AVEN: variants seen among roughly 807,000 people sequenced by gnomAD.
The protein encoded by AVEN is apoptosis and caspase activation inhibitor.
In AVEN, 41 loss-of-function variants were observed where a neutral mutation model predicts 38.1. The ratio of observed to expected loss-of-function variants is 1.08; its 90% CI spans 0.84 to 1.40. The LOEUF (loss-of-function observed/expected upper bound fraction) is 1.40. Ranked by LOEUF, AVEN falls within the 40% of genes most tolerant of loss-of-function variation. The pLI is 0.00. For synonymous variants in AVEN, 206 were observed against 171.8 expected (o/e 1.20, Z -1.56); for missense variants, 605 against 438.8 (o/e 1.38, Z -3.38).
At chr15:33,939,099 C>A (rs1164244092) in intron 2 of AVEN, among the ~76,000 whole-genome samples, 6 of 152,210 alleles carry the variant, frequency 3.9e-5, no homozygotes. Flanking sequence ...CTTCAGCCTC[C>A]CAAAGTGCTG....
At chr15:33,854,486 C>A (rs1171917607), downstream of AVEN, 4 of 1,503,684 alleles carry the variant, frequency 2.7e-6, no homozygotes, top group Non-Finnish European at 3.6e-6. Context: ...ATTCTATACC[C>A]CAGTTCAGGG....
chr15:33,947,419 T>C (rs377187115), intron 2 of AVEN, among the ~76,000 whole-genome samples: 58 of 152,272 alleles, frequency 3.8e-4, no homozygotes, highest in Admixed American at 1.8e-3. Context: ...AAGAAAAAGA[T>C]AAGCAAAATA....
chr15:33,860,329 C>G (rs1193309411), intron 11 of AVEN, among the ~76,000 whole-genome samples: 3 of 151,960 alleles, frequency 2.0e-5, no homozygotes, highest in Non-Finnish European at 4.4e-5. Flanking sequence ...AAATAGGAGA[C>G]CAACCAGGGA....
At chr15:33,940,566 G>C (rs1894277581) in intron 2 of AVEN, among the ~76,000 whole-genome samples, 1 of 151,676 alleles carries the variant, frequency 6.6e-6, no homozygotes, top group Admixed American at 6.6e-5. Context: ...TTTTGAGACA[G>C]AGTCTCGCTC....
rs145778584 is a variant in AVEN, at chr15:33,954,789, A to T, written c.445+48243T>A. On this transcript the variant is annotated intron_variant, in intron 2 of 5. Coordinates refer to ENST00000306730, the MANE Select transcript of AVEN (RefSeq NM_020371.3). The stretch of plus-strand genomic sequence containing the variant: ...GTACGTTGTGCACATGTACCCTAGA[A>T]CTTAAAGTATAATAAAGACTTTTCA... Among the ~76,000 whole-genome samples the T allele has an allele frequency of 5.1e-3, 781 of 152,296 alleles. 2 individuals carry two copies. The highest frequency in any genetic ancestry group is 0.02 in the Middle Eastern group (6 of 294).
intron 1 of AVEN, among the ~76,000 whole-genome samples, chr15:34,014,948 G>A (rs1457162855): frequency 2.6e-5 from 4 of 152,116 alleles, no homozygotes; most frequent in Non-Finnish European, 4.4e-5. Flanking sequence ...AGATACAGGG[G>A]GTGAGGGGTG....
intron 2 of AVEN, among the ~76,000 whole-genome samples, chr15:33,882,991 T>C (rs1891554037): frequency 6.6e-6 from 1 of 152,224 alleles, no homozygotes; most frequent in African/African-American, 2.4e-5. Flanking sequence ...TTTCAAGCAG[T>C]ATACAATGCT....
chr15:33,855,065 T>C (rs530364995), downstream of AVEN: 6 of 703,176 alleles, frequency 8.5e-6, no homozygotes, highest in South Asian at 2.6e-4. Flanking sequence ...GTGATTGTTT[T>C]TGCAAAATTG....
intron 2 of AVEN, among the ~76,000 whole-genome samples, chr15:33,966,219 T>C (rs561685607): frequency 1.5e-4 from 23 of 152,254 alleles, no homozygotes; most frequent in African/African-American, 4.3e-4. Context: ...TATGTTGACA[T>C]TGTATTATAA....
At chr15:33,852,878 G>T in the AVEN span, 1 of 627,406 alleles carries the variant, frequency 1.6e-6, no homozygotes, top group Non-Finnish European at 2.9e-6. Flanking sequence ...ACATGACTCA[G>T]TAGAGCCTGT....
chr15:33,878,691 G>A (rs1373437275), intron 2 of AVEN, among the ~76,000 whole-genome samples: 1 of 152,044 alleles, frequency 6.6e-6, no homozygotes, highest in Non-Finnish European at 1.5e-5. Context: ...CATATTATTG[G>A]CAAAGAATAC....
intron 2 of AVEN, among the ~76,000 whole-genome samples, chr15:33,939,437 C>T (rs1000666495): frequency 7.2e-5 from 11 of 152,092 alleles, no homozygotes; most frequent in Admixed American, 6.6e-4. Flanking sequence ...GGCAAAATCC[C>T]CTACAGAGGT....
rs1434986083 is a variant in AVEN, at chr15:34,063,935, C to T, written n.1127-503G>A. The T allele has an allele frequency of 1.9e-6, 3 of 1,614,180 alleles. No homozygotes were observed. Among genetic ancestry groups the T allele is most frequent in the South Asian group, 2.2e-5 (2 of 91,080 alleles). ...ACAAGGTGAAAATCATGCCCTGCCC[C>T]TTCCCAGTGGCCAAGGAACCTTCAA... On this transcript the variant is annotated intron_variant and non_coding_transcript_variant, in intron 4 of 11. Transcript: ENST00000675287. The surrounding 1 kb of genome is among the most constrained non-coding windows in gnomAD (Gnocchi z 4.1).
At chr15:33,885,171 G>A (rs1891653442) in intron 2 of AVEN, among the ~76,000 whole-genome samples, 1 of 152,164 alleles carries the variant, frequency 6.6e-6, no homozygotes, top group African/African-American at 2.4e-5. Context: ...AGGCTGAGAA[G>A]ACCCCAATCT....
intron 11 of AVEN, chr15:33,860,582 TTTAA>T: frequency 6.4e-7 from 1 of 1,557,602 alleles, no homozygotes; most frequent in Non-Finnish European, 8.7e-7. Context: ...TGTCTTTGTA[TTTAA>T]CATTCCAGGT....
Position 33,930,683 on chromosome 15 carries a change from C to T in AVEN, c.446-54688G>A, listed in dbSNP as rs143728570. Among the ~76,000 whole-genome samples the T allele has an allele frequency of 3.6e-3, 555 of 152,232 alleles. 3 individuals are homozygous for T. Among genetic ancestry groups the T allele is most frequent in the African/African-American group, 0.013 (538 of 41,522 alleles). On this transcript the variant is annotated intron_variant, in intron 2 of 5. Coordinates refer to ENST00000306730, the MANE Select transcript of AVEN (RefSeq NM_020371.3). ...TTACAACTTAAGAACTGGCCGGGCG[C>T]GGTGGCTCACGCCTGTAATCCCAGC...
chr15:33,970,130 C>A (rs532268982), intron 2 of AVEN, among the ~76,000 whole-genome samples: 1 of 151,904 alleles, frequency 6.6e-6, no homozygotes, highest in Non-Finnish European at 1.5e-5. Flanking sequence ...CACCTAACTA[C>A]GGAGATCTTG....
the AVEN span, chr15:33,852,018 A>C: frequency 6.6e-6 from 1 of 150,952 alleles, no homozygotes; most frequent in African/African-American, 2.4e-5. Context: ...AAAAAAAAAA[A>C]ACATTTTTTT....
chr15:33,865,968 G>A (rs1377877472), downstream of AVEN: 1 of 152,648 alleles, frequency 6.6e-6, no homozygotes, highest in African/African-American at 2.4e-5. Context: ...TGAAAATTCA[G>A]AAAAAAAATC....
Sources: allele counts gnomAD v4.1 joint callset (sites outside exome capture counted in the v4.1 genomes callset), GRCh38; gene constraint gnomAD v4.1.1; non-coding constraint Gnocchi (gnomAD v3.1); transcripts MANE v1.5; gene names NCBI Gene and HGNC (gene_info 2026-07-23, HGNC 2026-07-21).